Variants in ARHGEF4 observed in about 807,000 individuals in gnomAD.
ARHGEF4 encodes Rho guanine nucleotide exchange factor 4.
In ARHGEF4, 119 loss-of-function variants were observed where a neutral mutation model predicts 162.0. That is an observed-to-expected ratio of 0.73 (90% CI 0.63 to 0.86). The LOEUF (loss-of-function observed/expected upper bound fraction) is 0.86, where lower values mean the gene tolerates loss of function less well. Among genes scored for constraint, ARHGEF4 ranks in the 40% least tolerant of loss-of-function variants. The pLI, the probability that ARHGEF4 is intolerant of heterozygous loss-of-function variation, is 0.00. For missense variants in ARHGEF4, 2,488 were observed against 2,456.0 expected, an observed-to-expected ratio of 1.01 and a Z score of -0.28; for synonymous variants, 1,014 against 979.9, an observed-to-expected ratio of 1.03 and a Z score of -0.65.
chr2:131,045,387 T>C lies in ARHGEF4; in HGVS notation c.5420T>C (p.Leu1807Pro), dbSNP rs773463438. 3 of 1,613,346 alleles carry C rather than the reference T, an allele frequency of 1.9e-6. No homozygotes were observed. Among genetic ancestry groups the C allele is most frequent in the Non-Finnish European group, 2.5e-6 (3 of 1,179,920 alleles). ...DQETGFSITE[L>P]QRKQAMLNAS... ...TCCTCAGGCTTCTCCATCACTGAAC[T>C]GCAGAGGAAGCAGGCCATGCTGAAT... Residue 1807 changes from leucine to proline, a missense_variant, in exon 13 of 14, where the codon CTG becomes CCG. Around this residue, in one of 6 missense-constraint regions of ARHGEF4, gnomAD observed 415 missense variants for 512.4 expected, o/e 0.81. Transcript: ENST00000409359.
At chr2:130,913,395 A>G (rs1002398894) in intron 1 of ARHGEF4, among the ~76,000 whole-genome samples, 3 of 152,258 alleles carry the variant, frequency 2.0e-5, no homozygotes, top group Non-Finnish European at 4.4e-5. Flanking sequence ...TAACGAGAGA[A>G]GGAAATACTT....
At chr2:130,957,795 G>T (rs6743349) in intron 4 of ARHGEF4, among the ~76,000 whole-genome samples, 21,631 of 151,986 alleles carry the variant, frequency 0.14, 1,949 homozygotes, top group African/African-American at 0.26. Flanking sequence ...ATGTGAAATC[G>T]GTAGTCTGCA....
chr2:130,993,424 T>C (rs1687176925), intron 4 of ARHGEF4, among the ~76,000 whole-genome samples: 1 of 152,128 alleles, frequency 6.6e-6, no homozygotes, highest in South Asian at 2.1e-4. Flanking sequence ...TAGTGTTTCA[T>C]ATGTACTTAA....
intron 1 of ARHGEF4, among the ~76,000 whole-genome samples, chr2:130,877,364 A>T (rs1655261564): frequency 6.6e-6 from 1 of 152,244 alleles, no homozygotes; most frequent in African/African-American, 2.4e-5. Flanking sequence ...TGGAAAGCCT[A>T]ACTTGAGCTA....
chr2:130,922,120 A>G (rs1170130695), intron 2 of ARHGEF4, among the ~76,000 whole-genome samples: 1 of 151,994 alleles, frequency 6.6e-6, no homozygotes, highest in Non-Finnish European at 1.5e-5. Context: ...CTGTAATCTC[A>G]GCACTTTGGG....
At position 131,039,005 on chromosome 2, in the gene ARHGEF4, G is replaced by C. The variant is rs1344594664; in HGVS notation, c.4278G>C (p.Glu1426Asp). 1 of 1,613,204 alleles carries C rather than the reference G, an allele frequency of 6.2e-7. No homozygotes were observed. Residue 1426 changes from glutamate (E) to aspartate (D), a missense_variant, in exon 6 of 14, where the codon GAG (glutamate) becomes GAC (aspartate). Around this residue, in one of 6 missense-constraint regions of ARHGEF4, gnomAD observed 174 missense variants for 148.3 expected, o/e 1.17. Transcript: ENST00000409359. ...EWWWGRVADG[E>D]GWFPASFVRL... The stretch of plus-strand genomic sequence containing the variant: ...GGTGGGGCCGGGTCGCCGATGGCGA[G>C]GGCTGGTTTCCAGCCAGCTTCGTTC...
At chr2:130,847,464 A>T (rs1256436191) in intron 1 of ARHGEF4, among the ~76,000 whole-genome samples, 11 of 152,208 alleles carry the variant, frequency 7.2e-5, no homozygotes, top group Admixed American at 7.2e-4. Flanking sequence ...GGTGTGACTT[A>T]ATCATTCATC....
At chr2:130,869,820 G>A (rs1283154988) in intron 1 of ARHGEF4, among the ~76,000 whole-genome samples, 4 of 152,236 alleles carry the variant, frequency 2.6e-5, no homozygotes, top group Non-Finnish European at 4.4e-5. Flanking sequence ...GGAAAAGGTG[G>A]AGAATGGTTT....
intron 1 of ARHGEF4, among the ~76,000 whole-genome samples, chr2:130,909,268 A>G (rs1681027247): frequency 6.6e-6 from 1 of 152,226 alleles, no homozygotes; most frequent in Non-Finnish European, 1.5e-5. Context: ...GAACAACCCA[A>G]ATGTCCATCA....
intron 1 of ARHGEF4, among the ~76,000 whole-genome samples, chr2:130,847,406 C>T (rs769987390): frequency 6.6e-6 from 1 of 152,230 alleles, no homozygotes; most frequent in Non-Finnish European, 1.5e-5. Context: ...AGGTTTCAGT[C>T]ACCACGTTGG....
At chr2:130,995,394 G>T (rs1687310362) in intron 4 of ARHGEF4, among the ~76,000 whole-genome samples, 2 of 152,122 alleles carry the variant, frequency 1.3e-5, no homozygotes, top group East Asian at 3.9e-4. Flanking sequence ...TCTCCATTGA[G>T]ATAGTCAACC....
chr2:131,039,875 G>A (rs1267842944), intron 6 of ARHGEF4, 141 bp from the exon 7 acceptor site: 2 of 1,428,666 alleles, frequency 1.4e-6, no homozygotes, highest in African/African-American at 1.5e-5. Context: ...CGTGGTGGGG[G>A]GAGCTGGCCG....
chr2:130,857,165 A>G (rs921524306), intron 1 of ARHGEF4, among the ~76,000 whole-genome samples: 4 of 152,120 alleles, frequency 2.6e-5, no homozygotes, highest in Admixed American at 6.5e-5. Flanking sequence ...CCGGGAGGCG[A>G]AGCTTGCGGT....
At chr2:130,864,111 G>A (rs1337541090) in intron 1 of ARHGEF4, among the ~76,000 whole-genome samples, 2 of 151,810 alleles carry the variant, frequency 1.3e-5, no homozygotes, top group Non-Finnish European at 2.9e-5. Flanking sequence ...GTGTGAACCC[G>A]GGAGGCGGAG....
intron 4 of ARHGEF4, among the ~76,000 whole-genome samples, chr2:130,965,631 C>T (rs754571524): frequency 6.6e-6 from 1 of 152,202 alleles, no homozygotes; most frequent in African/African-American, 2.4e-5. Flanking sequence ...CTTATTCAGA[C>T]GGCTTTCCTT....
At chr2:130,850,548 C>T (rs545661621) in intron 1 of ARHGEF4, among the ~76,000 whole-genome samples, 29 of 152,370 alleles carry the variant, frequency 1.9e-4, no homozygotes, top group South Asian at 8.3e-4. Context: ...ACACCTCCCC[C>T]CTGCAAGGAC....
In ARHGEF4 at chr2:130,962,374, T is replaced by C. The variant is rs191109917; in HGVS notation, c.3985+15739T>C. ...ATCTGGCTGAGTCATCCCCCAATTC[T>C]CATCAAATTAAATACCCAGCAACAC... On this transcript the variant is annotated intron_variant, in intron 4 of 13. Transcript: ENST00000409359. Among the ~76,000 whole-genome samples, 344 of 152,142 alleles carry C rather than the reference T, an allele frequency of 2.3e-3. 2 individuals carry two copies. Among genetic ancestry groups the C allele is most frequent in the African/African-American group, 7.8e-3 (325 of 41,492 alleles).
intron 1 of ARHGEF4, among the ~76,000 whole-genome samples, chr2:130,843,142 C>T (rs1019503072): frequency 1.3e-5 from 2 of 152,186 alleles, no homozygotes; most frequent in African/African-American, 4.8e-5. Context: ...GGGATCTCCT[C>T]CTCTCCCCAG....
intron 2 of ARHGEF4, among the ~76,000 whole-genome samples, chr2:130,929,406 T>C (rs1350745683): frequency 6.6e-6 from 1 of 152,192 alleles, no homozygotes; most frequent in East Asian, 1.9e-4. Context: ...TGCATATGTA[T>C]ACATTTTTAA....
Sources: gnomAD v4.1 joint callset for allele counts (sites outside exome capture counted in the v4.1 genomes callset) on GRCh38, gnomAD v4.1.1 for gene constraint, gnomAD v4.1.1 regional missense constraint, MANE v1.5 for transcripts, NCBI Gene and HGNC (gene_info 2026-07-23, HGNC 2026-07-21) for gene names.